Variants in SH3RF3 observed in about 807,000 individuals in gnomAD.
SH3RF3 encodes the protein E3 ubiquitin-protein ligase SH3RF3.
SH3RF3 carries 29 observed loss-of-function variants against 66.3 expected under a neutral mutation model. The observed-to-expected ratio is 0.44, with a 90% CI of 0.33 to 0.60. SH3RF3 has a LOEUF of 0.60. Among genes scored for constraint, SH3RF3 ranks in the 20% least tolerant of loss-of-function variants. SH3RF3 has a pLI of 0.04. For synonymous variants in SH3RF3, 583 were observed against 532.0 expected, an observed-to-expected ratio of 1.10 and a Z score of -1.32; for missense variants, 1,194 against 1,190.9, an observed-to-expected ratio of 1.00 and a Z score of -0.04.
At chr2:109,296,655 T>C (rs2105381592) in intron 1 of SH3RF3, among the ~76,000 whole-genome samples, 1 of 152,294 alleles carries the variant, frequency 6.6e-6, no homozygotes, top group Admixed American at 6.5e-5. Context: ...CCATCTGTTC[T>C]TGCTCCCTTT....
At chr2:109,285,446 G>A (rs76608773) in intron 1 of SH3RF3, among the ~76,000 whole-genome samples, 2,569 of 152,350 alleles carry the variant, frequency 0.017, 27 homozygotes, top group South Asian at 0.027. Flanking sequence ...CAGTGTGCCT[G>A]CTGTGCCGTG....
chr2:109,342,790 G>C (rs532544455), intron 1 of SH3RF3, among the ~76,000 whole-genome samples: 3 of 152,222 alleles, frequency 2.0e-5, no homozygotes. Context: ...CCATCTCCAC[G>C]GGTAGGACAT....
chr2:109,350,676 G>A (rs539649644), intron 2 of SH3RF3, among the ~76,000 whole-genome samples: 51 of 152,258 alleles, frequency 3.3e-4, no homozygotes, highest in African/African-American at 9.6e-4. Flanking sequence ...CGGTGGGTCC[G>A]ACCCACCTTA....
chr2:109,322,492 C>CCAA (rs1423941709), intron 1 of SH3RF3, among the ~76,000 whole-genome samples: 2 of 152,176 alleles, frequency 1.3e-5, no homozygotes, highest in Admixed American at 6.5e-5. Flanking sequence ...CTTAAGGAAG[C>CCAA]TGAAATTTCT....
chr2:109,191,755 A>C (rs545863968), intron 1 of SH3RF3, among the ~76,000 whole-genome samples: 1 of 152,330 alleles, frequency 6.6e-6, no homozygotes, highest in Admixed American at 6.5e-5. Context: ...AGGCTCCAGC[A>C]GTCACAGGGA....
intron 1 of SH3RF3, among the ~76,000 whole-genome samples, chr2:109,132,404 C>CT: frequency 6.6e-6 from 1 of 152,274 alleles, no homozygotes; most frequent in South Asian, 2.1e-4. Context: ...TTCCTGAACT[C>CT]TTTACCTGTT....
intron 8 of SH3RF3, among the ~76,000 whole-genome samples, chr2:109,460,571 G>A (rs1445709481): frequency 6.6e-6 from 1 of 152,188 alleles, no homozygotes; most frequent in Non-Finnish European, 1.5e-5. Context: ...CATTGACTGT[G>A]CTCCACAGAA....
intron 7 of SH3RF3, among the ~76,000 whole-genome samples, chr2:109,437,810 C>T (rs1461120356): frequency 6.6e-6 from 1 of 152,206 alleles, no homozygotes; most frequent in Non-Finnish European, 1.5e-5. Flanking sequence ...GTAAGCACAT[C>T]TTGGTTGGTG....
Position 109,288,748 on chromosome 2 carries a change from G to T in SH3RF3, c.574-58926G>T, listed in dbSNP as rs554336968. Among the ~76,000 whole-genome samples the T allele has an allele frequency of 4.1e-4, 63 of 152,244 alleles. 1 individual carries two copies. Among genetic ancestry groups the T allele is most frequent in the Non-Finnish European group, 6.5e-4 (44 of 68,030 alleles). Reference sequence around the variant, plus strand: ...TAGGAACATGGGTAAAAGTTGTCATGATGGAAGACACATGGCTGGGACAGC... The same window carrying T: ...TAGGAACATGGGTAAAAGTTGTCATTATGGAAGACACATGGCTGGGACAGC... On this transcript the variant is annotated intron_variant, in intron 1 of 9. Coordinates refer to ENST00000309415, the MANE Select transcript of SH3RF3 (RefSeq NM_001099289.3).
In SH3RF3 at chr2:109,333,117, A is replaced by G. The variant is rs563583628; in HGVS notation, c.574-14557A>G. ...CTCAGTGCGTTCCAGGAGAGACCTC[A>G]GTTTCCAGCCCTAGCTCAAGTCCCA... On this transcript the variant is annotated intron_variant, in intron 1 of 9. Transcript: ENST00000309415. Among the ~76,000 whole-genome samples, 66 of 152,342 alleles carry G rather than the reference A, an allele frequency of 4.3e-4. 1 individual carries two copies. The highest frequency in any genetic ancestry group is 6.9e-4 in the Non-Finnish European group (47 of 68,040).
Position 109,129,961 on chromosome 2 carries a change from C to A in SH3RF3, c.421C>A (p.Pro141Thr). Residue 141 changes from proline (P) to threonine (T), a missense_variant, in exon 1 of 10, where the codon CCA becomes ACA. Coordinates refer to ENST00000309415, the MANE Select transcript of SH3RF3 (RefSeq NM_001099289.3). ...CGGCAGCCCGCCCGCGCGTCCCATC[C>A]CAGGCCAGAGTGCGGCCCCCACGCT... ...PGGSPPARPI[P>T]GQSAAPTLAG... is the part of the protein sequence containing the mutation. The A allele has an allele frequency of 1.4e-6, 2 of 1,429,226 alleles. No individual in the cohort carries two copies. Among genetic ancestry groups the A allele is most frequent in the Non-Finnish European group, 1.8e-6 (2 of 1,099,614 alleles). 88.5% of individuals were successfully genotyped at this position (1,429,226 alleles called of 1,614,324 possible).
intron 1 of SH3RF3, among the ~76,000 whole-genome samples, chr2:109,274,732 TGTA>T (rs1680711068): frequency 2.0e-5 from 3 of 152,224 alleles, no homozygotes; most frequent in African/African-American, 7.2e-5. Context: ...ACATTGTGAA[TGTA>T]GTAAATGCCA....
intron 1 of SH3RF3, among the ~76,000 whole-genome samples, chr2:109,256,243 G>GGACA (rs759757431): frequency 7.9e-5 from 12 of 152,188 alleles, no homozygotes; most frequent in Non-Finnish European, 1.2e-4. Context: ...AGCCTGCCAT[G>GGACA]GACAGGTCGC....
Position 109,429,311 on chromosome 2 carries a change from A to G in SH3RF3, c.1404-3190A>G, listed in dbSNP as rs115730884. On this transcript the variant is annotated intron_variant, in intron 5 of 9. Transcript: ENST00000309415. ...TTTTGGTGTCCCCTACGAGGCACCC[A>G]GAGGAAAAAAAGTAGGCAGAGAAGA... 2.6e-3 allele frequency among the ~76,000 whole-genome samples: 392 copies of G among 152,306 alleles called. 6 individuals carry two copies. The highest frequency in any genetic ancestry group is 8.9e-3 in the African/African-American group (371 of 41,566).
At chr2:109,425,298 G>A (rs1676996871) in intron 5 of SH3RF3, among the ~76,000 whole-genome samples, 1 of 152,260 alleles carries the variant, frequency 6.6e-6, no homozygotes, top group African/African-American at 2.4e-5. Context: ...AAAGCAGCAA[G>A]TGCTGATGGA....
intron 3 of SH3RF3, among the ~76,000 whole-genome samples, chr2:109,386,758 AG>A (rs1234614125): frequency 6.6e-6 from 1 of 152,212 alleles, no homozygotes; most frequent in Non-Finnish European, 1.5e-5. Flanking sequence ...AAACTGCCCA[AG>A]GAAGAGGAAA....
intron 1 of SH3RF3, among the ~76,000 whole-genome samples, chr2:109,155,155 GTGT>G (rs1195266444): frequency 6.6e-6 from 1 of 152,202 alleles, no homozygotes; most frequent in Non-Finnish European, 1.5e-5. Flanking sequence ...ATGTTCGGTG[GTGT>G]TCGGCATTTT....
chr2:109,409,672 G>T (rs895848723), intron 4 of SH3RF3, among the ~76,000 whole-genome samples: 6 of 152,082 alleles, frequency 3.9e-5, no homozygotes, highest in Non-Finnish European at 8.8e-5. Flanking sequence ...CTCCCTCACT[G>T]GGGCTCCCCG....
At chr2:109,243,309 C>T (rs1432417263) in intron 1 of SH3RF3, among the ~76,000 whole-genome samples, 9 of 152,264 alleles carry the variant, frequency 5.9e-5, no homozygotes, top group African/African-American at 1.9e-4. Context: ...CTGAGACTCC[C>T]GTGTGCTTTT....
Sources: allele counts gnomAD v4.1 joint callset (sites outside exome capture counted in the v4.1 genomes callset), GRCh38; gene constraint gnomAD v4.1.1; transcripts MANE v1.5; gene names NCBI Gene and HGNC (gene_info 2026-07-23, HGNC 2026-07-21).